Variants in DLG1 observed in about 807,000 individuals in gnomAD.
DLG1 encodes discs large MAGUK scaffold protein 1.
Under a neutral mutation model 123.4 loss-of-function variants are expected in DLG1, and 42 were observed. The observed-to-expected ratio is 0.34, with a 90% CI of 0.27 to 0.44. DLG1 has a LOEUF of 0.44. Ranked by LOEUF, DLG1 falls within the 20% of genes least tolerant of loss-of-function variation. The pLI is 1.00. For missense variants in DLG1, 942 were observed against 1,082.6 expected (o/e 0.87, Z 1.82); for synonymous variants, 317 against 356.2 (o/e 0.89, Z 1.24).
chr3:197,199,951 T>A (rs997973944), intron 4 of DLG1, among the ~76,000 whole-genome samples: 1 of 152,154 alleles, frequency 6.6e-6, no homozygotes, highest in African/African-American at 2.4e-5. Context: ...CATTTCCTCA[T>A]CCTTTTTTAT....
intron 4 of DLG1, among the ~76,000 whole-genome samples, chr3:197,220,210 T>C (rs1736244884): frequency 6.6e-6 from 1 of 152,200 alleles, no homozygotes; most frequent in South Asian, 2.1e-4. Context: ...ATCAATAATT[T>C]TCTTCATAAA....
intron 17 of DLG1, 51 bp from the exon 18 acceptor site, chr3:197,076,736 T>C: frequency 1.4e-6 from 2 of 1,406,284 alleles, no homozygotes; most frequent in Non-Finnish European, 2.0e-6. Context: ...TGTCTGTGTG[T>C]ACAAAGGCCC....
chr3:197,149,684 T>C (rs1792920016), intron 6 of DLG1, 59 bp downstream of exon 6: 2 of 1,061,084 alleles, frequency 1.9e-6, no homozygotes, highest in Non-Finnish European at 1.5e-6. Flanking sequence ...CGCATTTGTA[T>C]CAAAAAACGG....
intron 4 of DLG1, among the ~76,000 whole-genome samples, chr3:197,195,081 A>G (rs564590432): frequency 1.3e-5 from 2 of 152,024 alleles, no homozygotes; most frequent in African/African-American, 4.8e-5. Context: ...TATGCAATCT[A>G]TTTCTAAAAA....
At chr3:197,183,957 T>C in intron 5 of DLG1, 8 of 1,428,434 alleles carry the variant, frequency 5.6e-6, no homozygotes, top group Non-Finnish European at 7.3e-6. Flanking sequence ...ATGCTCATTT[T>C]CTCAGTGATT....
intron 3 of DLG1, among the ~76,000 whole-genome samples, chr3:197,293,570 A>C (rs181431001): frequency 6.6e-6 from 1 of 152,292 alleles, no homozygotes; most frequent in Non-Finnish European, 1.5e-5. Flanking sequence ...GAATAATCCA[A>C]AAGTACAGGA....
intron 5 of DLG1, among the ~76,000 whole-genome samples, chr3:197,191,933 T>G (rs555189416): frequency 6.6e-6 from 1 of 152,248 alleles, no homozygotes; most frequent in East Asian, 1.9e-4. Context: ...CTCAGCACTT[T>G]GGGAGGTCAA....
chr3:197,263,041 A>G (rs1309774673), intron 4 of DLG1, among the ~76,000 whole-genome samples: 3 of 136,294 alleles, frequency 2.2e-5, no homozygotes, highest in Non-Finnish European at 5.0e-5. Flanking sequence ...CTCAAGGCTC[A>G]TAACTCCCTA....
intron 11 of DLG1, 31 bp from the exon 12 acceptor site, chr3:197,119,561 A>G (rs1318753740): frequency 6.3e-7 from 1 of 1,579,116 alleles, no homozygotes; most frequent in Non-Finnish European, 8.6e-7. Context: ...AAAATACTTC[A>G]AACACGAAAC....
At chr3:197,099,941 A>G (rs1267833607) in intron 14 of DLG1, among the ~76,000 whole-genome samples, 2 of 152,190 alleles carry the variant, frequency 1.3e-5, no homozygotes, top group African/African-American at 4.8e-5. Flanking sequence ...AAACCCGTGC[A>G]TGTTCAAGTC....
At chr3:197,162,515 A>G (rs570233346) in intron 5 of DLG1, among the ~76,000 whole-genome samples, 8 of 152,326 alleles carry the variant, frequency 5.3e-5, no homozygotes, top group African/African-American at 1.9e-4. Flanking sequence ...ACAAATTGCC[A>G]GACTAAAAAA....
At chr3:197,139,029 T>C (rs1364311193) in intron 8 of DLG1, among the ~76,000 whole-genome samples, 1 of 152,200 alleles carries the variant, frequency 6.6e-6, no homozygotes, top group African/African-American at 2.4e-5. Context: ...AATTAAGTTA[T>C]TTTTTGAAAT....
At chr3:197,243,432 C>T (rs1458230336) in intron 4 of DLG1, among the ~76,000 whole-genome samples, 2 of 152,168 alleles carry the variant, frequency 1.3e-5, no homozygotes, top group Non-Finnish European at 2.9e-5. Flanking sequence ...CTTCTTCAAA[C>T]TTACCTAACA....
At chr3:197,052,310 C>G (rs1027492461) in intron 23 of DLG1, among the ~76,000 whole-genome samples, 7 of 151,712 alleles carry the variant, frequency 4.6e-5, no homozygotes, top group African/African-American at 1.7e-4. Flanking sequence ...TAAAAATTAG[C>G]TGGGTGTGGT....
At chr3:197,296,128 G>A (rs146734440) in intron 3 of DLG1, among the ~76,000 whole-genome samples, 301 of 152,294 alleles carry the variant, frequency 2.0e-3, no homozygotes, top group Non-Finnish European at 2.7e-3. Flanking sequence ...GTGAAACAAT[G>A]TTCTCAAAAG....
intron 4 of DLG1, among the ~76,000 whole-genome samples, chr3:197,219,906 A>C (rs1309112579): frequency 1.3e-5 from 2 of 152,160 alleles, no homozygotes; most frequent in African/African-American, 4.8e-5. Context: ...AACACTGAGA[A>C]ATTAAATTTG....
chr3:197,230,462 G>A (rs1388292128), intron 4 of DLG1, among the ~76,000 whole-genome samples: 2 of 152,236 alleles, frequency 1.3e-5, no homozygotes, highest in African/African-American at 4.8e-5. Context: ...CAACTATTTA[G>A]TCATGAAATT....
chr3:197,283,240 T>C (rs955154922), intron 3 of DLG1, among the ~76,000 whole-genome samples: 1 of 152,136 alleles, frequency 6.6e-6, no homozygotes, highest in African/African-American at 2.4e-5. Context: ...TAACAGATGG[T>C]AGCTAATATC....
intron 4 of DLG1, among the ~76,000 whole-genome samples, chr3:197,281,906 T>A (rs1473747721): frequency 6.6e-6 from 1 of 152,212 alleles, no homozygotes; most frequent in African/African-American, 2.4e-5. Context: ...CAAAGTGCTA[T>A]CTGGTTGAGG....
Sources: allele counts gnomAD v4.1 joint callset (sites outside exome capture counted in the v4.1 genomes callset), GRCh38; gene constraint gnomAD v4.1.1; transcripts MANE v1.5; gene names NCBI Gene and HGNC (gene_info 2026-07-23, HGNC 2026-07-21).